ERC1: variants seen among roughly 807,000 people sequenced by gnomAD.
ERC1 encodes the protein RAB6 interacting protein 2.
A neutral mutation model predicts 132.0 loss-of-function variants in ERC1; 56 were observed. That is an observed-to-expected ratio of 0.42 (90% CI 0.34 to 0.53). ERC1 has a LOEUF of 0.53. Ranked by LOEUF, ERC1 falls within the 20% of genes least tolerant of loss-of-function variation. ERC1 has a pLI of 0.03. For missense variants in ERC1, 1,202 were observed against 1,349.9 expected, an observed-to-expected ratio of 0.89 and a Z score of 1.72; for synonymous variants, 478 against 476.1, an observed-to-expected ratio of 1.00 and a Z score of -0.05.
At chr12:1,348,485 G>A (rs1184763707) in intron 15 of ERC1, among the ~76,000 whole-genome samples, 2 of 151,992 alleles carry the variant, frequency 1.3e-5, no homozygotes, top group Non-Finnish European at 2.9e-5. Context: ...TCAGGAGTTC[G>A]AGACCATCCT....
intron 9 of ERC1, among the ~76,000 whole-genome samples, chr12:1,181,697 C>T (rs558799078): frequency 4.6e-5 from 7 of 151,412 alleles, no homozygotes; most frequent in South Asian, 2.1e-4. Flanking sequence ...GCAGGAGAAT[C>T]GCTTGAACCC....
rs542774451 is a variant in ERC1 at position 1,306,924 on chromosome 12, G to T, written c.2780+16912G>T. The stretch of plus-strand genomic sequence containing the variant: ...CAAACAATAGGTGATCTTTGGCATG[G>T]TTGTAGTTGGGAGGTTTCAGATGGA... On this transcript the variant is annotated intron_variant, in intron 15 of 18. Coordinates refer to ENST00000360905, the MANE Select transcript of ERC1 (RefSeq NM_178040.4). Among the ~76,000 whole-genome samples the T allele has an allele frequency of 1.8e-4, 28 of 152,226 alleles. No individual in the cohort carries two copies. The South Asian group carries it at 4.8e-3, about 26-fold the overall frequency.
At position 1,401,176 on chromosome 12, in the gene ERC1, C is replaced by T. The variant is rs113284043; in HGVS notation, c.2926-6973C>T. On this transcript the variant is annotated intron_variant, in intron 16 of 18. Transcript: ENST00000360905. Reference sequence around the variant, plus strand: ...GTCTCCATCTCCTGACCTTGTGATCCGCCCGTCTCAGCCTTCCAAAGTGCT... The same window carrying T: ...GTCTCCATCTCCTGACCTTGTGATCTGCCCGTCTCAGCCTTCCAAAGTGCT... Among the ~76,000 whole-genome samples the T allele has an allele frequency of 1.4e-4, 21 of 151,930 alleles. No individual in the cohort carries two copies. The East Asian group carries it at 2.7e-3, about 20-fold the overall frequency.
At chr12:1,389,554 A>G (rs765501188) in intron 16 of ERC1, among the ~76,000 whole-genome samples, 1 of 152,214 alleles carries the variant, frequency 6.6e-6, no homozygotes, top group African/African-American at 2.4e-5. Context: ...AGGAGTTTTT[A>G]TGCAGTTCTA....
intron 16 of ERC1, among the ~76,000 whole-genome samples, chr12:1,379,758 A>G (rs1450565511): frequency 2.0e-5 from 3 of 152,154 alleles, no homozygotes; most frequent in Admixed American, 1.3e-4. Context: ...GAAGAGAGCA[A>G]CCAAAATGGA....
intron 15 of ERC1, among the ~76,000 whole-genome samples, chr12:1,352,831 C>G (rs2085139623): frequency 6.6e-6 from 1 of 152,108 alleles, no homozygotes; most frequent in Non-Finnish European, 1.5e-5. Context: ...AAAGTACATA[C>G]AAATACATAT....
chr12:1,326,180 G>A (rs542929186), intron 15 of ERC1, among the ~76,000 whole-genome samples: 1 of 152,208 alleles, frequency 6.6e-6, no homozygotes, highest in African/African-American at 2.4e-5. Flanking sequence ...AATCCTCACC[G>A]TTTTACTGAT....
chr12:1,093,795 G>A (rs1943558104), intron 3 of ERC1, among the ~76,000 whole-genome samples: 3 of 150,946 alleles, frequency 2.0e-5, no homozygotes. Flanking sequence ...TCTGAGGACT[G>A]CTTGTCAGTT....
In ERC1 at chr12:1,293,065, AC is replaced by A. The variant is rs796846762; in HGVS notation, c.2780+3055del. Among the ~76,000 whole-genome samples, 118 of 151,226 alleles carry A rather than the reference AC, an allele frequency of 7.8e-4. 1 individual carries two copies. The highest frequency in any genetic ancestry group is 2.8e-3 in the African/African-American group (116 of 41,160). On this transcript the variant is annotated intron_variant, in intron 15 of 18. Transcript: ENST00000360905. The stretch of plus-strand genomic sequence containing the variant: ...AGGCTGAGGCAGGAGAATCACTTGA[AC>A]CTGGAAGGCGGAGGTTGCAGTGAGC...
intron 16 of ERC1, chr12:1,380,837 G>A (rs1205742414): frequency 6.6e-6 from 1 of 152,200 alleles, no homozygotes; most frequent in African/African-American, 2.4e-5. Context: ...AGATAACAAT[G>A]GTAGGATAAA....
intron 15 of ERC1, among the ~76,000 whole-genome samples, chr12:1,301,744 A>G (rs773378538): frequency 2.0e-5 from 3 of 152,188 alleles, no homozygotes; most frequent in Non-Finnish European, 4.4e-5. Flanking sequence ...GAGCGATGAA[A>G]TAGTCTGTAC....
At chr12:1,321,641 T>C (rs906554221) in intron 15 of ERC1, among the ~76,000 whole-genome samples, 1 of 152,180 alleles carries the variant, frequency 6.6e-6, no homozygotes. Context: ...CTCATGGCTT[T>C]AGGTGATATA....
chr12:1,444,500 C>A, intron 17 of ERC1, 62 bp from the exon 18 acceptor site: 1 of 1,200,686 alleles, frequency 8.3e-7, no homozygotes, highest in Non-Finnish European at 1.2e-6. Context: ...TTGAACCTCT[C>A]ATTTCAGACT....
intron 2 of ERC1, among the ~76,000 whole-genome samples, chr12:1,030,522 GAGACT>G (rs769968021): frequency 3.3e-5 from 5 of 152,134 alleles, no homozygotes; most frequent in Non-Finnish European, 2.9e-5. Context: ...CCAGGAGTTT[GAGACT>G]AGCCTGGGCA....
chr12:1,333,916 T>G (rs2083094958), intron 15 of ERC1, among the ~76,000 whole-genome samples: 1 of 152,174 alleles, frequency 6.6e-6, no homozygotes, highest in Non-Finnish European at 1.5e-5. Context: ...CTCGCCAGCA[T>G]CTGTTATTTT....
intron 13 of ERC1, among the ~76,000 whole-genome samples, chr12:1,250,672 G>GA (rs996840977): frequency 6.6e-6 from 1 of 152,084 alleles, no homozygotes; most frequent in African/African-American, 2.4e-5. Flanking sequence ...TTTAACACAG[G>GA]AAATGCCATC....
chr12:1,103,303 C>T (rs902994899), intron 3 of ERC1, among the ~76,000 whole-genome samples: 12 of 152,142 alleles, frequency 7.9e-5, no homozygotes, highest in Non-Finnish European at 1.5e-4. Context: ...CATGGAGACC[C>T]AGGGAAGAGC....
chr12:1,439,342 A>G (rs2093038833), intron 17 of ERC1, among the ~76,000 whole-genome samples: 1 of 152,216 alleles, frequency 6.6e-6, no homozygotes, highest in Admixed American at 6.5e-5. Context: ...ATCCAACCTC[A>G]CTGAAGTGGA....
At chr12:1,330,757 A>T (rs1415581804) in intron 15 of ERC1, among the ~76,000 whole-genome samples, 1 of 152,254 alleles carries the variant, frequency 6.6e-6, no homozygotes, top group East Asian at 1.9e-4. Flanking sequence ...ATTCTCCCAA[A>T]TACTGTTTTC....
Sources: gnomAD v4.1 joint callset for allele counts (sites outside exome capture counted in the v4.1 genomes callset) on GRCh38, gnomAD v4.1.1 for gene constraint, MANE v1.5 for transcripts, NCBI Gene and HGNC (gene_info 2026-07-23, HGNC 2026-07-21) for gene names.